Variants in RAB27B observed in about 807,000 individuals in gnomAD.
RAB27B encodes the protein ras-related protein Rab-27B.
In RAB27B, 15 loss-of-function variants were observed where a neutral mutation model predicts 24.6. The observed-to-expected ratio is 0.61, with a 90% confidence interval of 0.41 to 0.94. RAB27B has a LOEUF of 0.94. RAB27B is among the 40% of genes least tolerant of loss of function. RAB27B has a pLI of 0.00. For synonymous variants in RAB27B, 105 were observed against 92.5 expected (o/e 1.14, Z -0.78); for missense variants, 261 against 266.8 (o/e 0.98, Z 0.15).
intron 2 of RAB27B, among the ~76,000 whole-genome samples, chr18:54,793,485 CAGAGAG>C (rs34163027): frequency 6.6e-6 from 1 of 151,346 alleles, no homozygotes; most frequent in Non-Finnish European, 1.5e-5. Flanking sequence ...TGACAGTCAA[CAGAGAG>C]AGAGAGAGAT....
intron 2 of RAB27B, among the ~76,000 whole-genome samples, chr18:54,728,576 G>T (rs900771217): frequency 6.6e-6 from 1 of 152,004 alleles, no homozygotes. Context: ...GAAGGGAAAT[G>T]GTTAAAAGGG....
intron 2 of RAB27B, among the ~76,000 whole-genome samples, chr18:54,747,906 G>A (rs1012803153): frequency 4.6e-5 from 7 of 152,028 alleles, no homozygotes; most frequent in African/African-American, 1.4e-4. Flanking sequence ...CCAGGAGTTC[G>A]AGACCAGCCT....
At chr18:54,851,466 CT>C (rs1160793889) in intron 1 of RAB27B, among the ~76,000 whole-genome samples, 1 of 151,950 alleles carries the variant, frequency 6.6e-6, no homozygotes, top group Non-Finnish European at 1.5e-5. Flanking sequence ...ATTCTTTTCC[CT>C]TTTTTTGCAC....
At position 54,738,689 on chromosome 18, in the gene RAB27B, T is replaced by C. The variant is rs552135647; in HGVS notation, c.-20+20548T>C. On this transcript the variant is annotated intron_variant, in intron 2 of 4. Coordinates refer to the RAB27B transcript ENST00000586570. ...ATTGCAATCAGATTTTTCCATAACGTACCTCTACCTTAAATCCCTTTTTAG... is the reference window on the plus strand; with the variant it reads ...ATTGCAATCAGATTTTTCCATAACGCACCTCTACCTTAAATCCCTTTTTAG... Among the ~76,000 whole-genome samples the C allele has an allele frequency of 5.9e-5, 9 of 152,346 alleles. No individual in the cohort carries two copies. In the East Asian group the frequency reaches 1.7e-3, roughly 29 times the overall value.
chr18:54,820,910 A>C (rs1000564964), intron 2 of RAB27B, among the ~76,000 whole-genome samples: 121 of 152,284 alleles, frequency 7.9e-4, no homozygotes, highest in African/African-American at 2.8e-3. Flanking sequence ...CAGGTTTGTC[A>C]AAGATCAGAT....
chr18:54,889,246 G>A lies in RAB27B; in HGVS notation c.490G>A (p.Ala164Thr), dbSNP rs773994833. 1.4e-5 allele frequency: 22 copies of A among 1,608,076 alleles called. No homozygotes were observed. Among genetic ancestry groups the A allele is most frequent in the Non-Finnish European group, 1.8e-5 (21 of 1,177,760 alleles). Reference protein sequence around the residue: ...KYGIPYFETSAATGQNVEKAV... With the variant: ...KYGIPYFETSTATGQNVEKAV... The stretch of plus-strand genomic sequence containing the variant: ...TAGCATACCATATTTTGAAACAAGT[G>A]CAGCAACTGGACAGAATGTGGAGAA... The change falls in exon 6 of 6, where the codon GCA (alanine) becomes ACA (threonine). Residue 164 changes from alanine (A) to threonine (T), a missense_variant. Coordinates refer to ENST00000262094, the MANE Select transcript of RAB27B (RefSeq NM_004163.4).
chr18:54,859,966 C>T (rs1035991726), intron 1 of RAB27B, among the ~76,000 whole-genome samples: 1 of 152,116 alleles, frequency 6.6e-6, no homozygotes, highest in Non-Finnish European at 1.5e-5. Context: ...CTCAGCCATG[C>T]CTTTCCCTTG....
intron 1 of RAB27B, among the ~76,000 whole-genome samples, chr18:54,835,908 C>T (rs138254660): frequency 6.6e-6 from 1 of 152,106 alleles, no homozygotes; most frequent in East Asian, 1.9e-4. Flanking sequence ...GTAAAATGCA[C>T]CCAGCAAGTA....
At chr18:54,755,901 C>T (rs984726838) in intron 2 of RAB27B, among the ~76,000 whole-genome samples, 1 of 152,074 alleles carries the variant, frequency 6.6e-6, no homozygotes, top group Non-Finnish European at 1.5e-5. Context: ...AAAGCAAATA[C>T]CAGCGCCACC....
At chr18:54,864,559 C>T in intron 1 of RAB27B, among the ~76,000 whole-genome samples, 1 of 151,692 alleles carries the variant, frequency 6.6e-6, no homozygotes, top group South Asian at 2.1e-4. Flanking sequence ...AAGACTTACT[C>T]TTATATTTTC....
At chr18:54,851,034 T>C (rs1032655166) in intron 1 of RAB27B, among the ~76,000 whole-genome samples, 1 of 152,094 alleles carries the variant, frequency 6.6e-6, no homozygotes, top group African/African-American at 2.4e-5. Flanking sequence ...TTCAATTAAC[T>C]AATATATGAA....
chr18:54,736,874 C>A (rs190075425), intron 2 of RAB27B, among the ~76,000 whole-genome samples: 1 of 152,046 alleles, frequency 6.6e-6, no homozygotes, highest in African/African-American at 2.4e-5. Flanking sequence ...AAAGTTTGAA[C>A]AAATAAGCTA....
At chr18:54,744,518 T>C (rs1247519905) in intron 2 of RAB27B, among the ~76,000 whole-genome samples, 1 of 152,212 alleles carries the variant, frequency 6.6e-6, no homozygotes, top group East Asian at 1.9e-4. Flanking sequence ...ATTCTTTTCA[T>C]CACATACACA....
At chr18:54,857,814 A>G (rs1911844743) in intron 1 of RAB27B, among the ~76,000 whole-genome samples, 1 of 152,256 alleles carries the variant, frequency 6.6e-6, no homozygotes, top group African/African-American at 2.4e-5. Context: ...GTTATGCTTC[A>G]GAAAAAAATG....
chr18:54,795,687 CTT>C (rs774609084), intron 2 of RAB27B, among the ~76,000 whole-genome samples: 3 of 152,062 alleles, frequency 2.0e-5, no homozygotes, highest in African/African-American at 4.8e-5. Context: ...ATAAAACAAA[CTT>C]AAGTTTCAAG....
chr18:54,795,684 A>G (rs980539093), intron 2 of RAB27B, among the ~76,000 whole-genome samples: 2 of 151,990 alleles, frequency 1.3e-5, no homozygotes, highest in African/African-American at 4.8e-5. Context: ...CAGATAAAAC[A>G]AACTTAAGTT....
chr18:54,769,733 T>A (rs929398541), intron 2 of RAB27B, among the ~76,000 whole-genome samples: 1 of 152,236 alleles, frequency 6.6e-6, no homozygotes, highest in Non-Finnish European at 1.5e-5. Context: ...GTTTTTGTAC[T>A]ATATAATGTA....
intron 1 of RAB27B, among the ~76,000 whole-genome samples, chr18:54,864,547 T>G (rs1360780310): frequency 6.6e-6 from 1 of 152,114 alleles, no homozygotes; most frequent in Non-Finnish European, 1.5e-5. Flanking sequence ...TCCAGAGTTA[T>G]GAAGACTTAC....
chr18:54,887,009 C>A (rs892897005), intron 4 of RAB27B, among the ~76,000 whole-genome samples: 4 of 118,320 alleles, frequency 3.4e-5, no homozygotes, highest in Non-Finnish European at 5.4e-5. Context: ...CCCTCGCCAA[C>A]TCTCCCTCCC....
Sources: allele counts gnomAD v4.1 joint callset (sites outside exome capture counted in the v4.1 genomes callset), GRCh38; gene constraint gnomAD v4.1.1; transcripts MANE v1.5; gene names NCBI Gene and HGNC (gene_info 2026-07-23, HGNC 2026-07-21).